Variants in MEGF10 observed in about 807,000 individuals in gnomAD.
MEGF10 encodes multiple epidermal growth factor-like domains protein 10.
In MEGF10, 86 loss-of-function variants were observed where a neutral mutation model predicts 147.5. That is an observed-to-expected ratio of 0.58 (90% CI 0.49 to 0.70). The LOEUF is 0.70. Among genes scored for constraint, MEGF10 ranks in the 30% least tolerant of loss-of-function variants. The pLI is 0.00. For missense variants in MEGF10, 1,329 were observed against 1,487.3 expected (o/e 0.89, Z 1.75); for synonymous variants, 478 against 525.5 (o/e 0.91, Z 1.24).
rs1378703050 is a variant in MEGF10, at chr5:127,433,404, C to G, written c.1735C>G (p.Pro579Ala). The change falls in exon 14 of 25, where the codon CCC (proline) becomes GCC (alanine). Residue 579 changes from proline to alanine, a missense_variant. This residue lies in a region of MEGF10 where 980 missense variants were observed against 1,085.9 expected (regional missense o/e 0.90). Coordinates refer to ENST00000503335, the MANE Select transcript of MEGF10 (RefSeq NM_001256545.2). ...DSVCAEGRWGPNCSLPCYCKN... is the reference protein window; with the variant it reads ...DSVCAEGRWGANCSLPCYCKN... The stretch of plus-strand genomic sequence containing the variant: ...CGTGTGTGCTGAGGGACGCTGGGGC[C>G]CCAACTGCTCCCTGCCCTGCTACTG... The G allele has an allele frequency of 1.2e-6, 2 of 1,614,016 alleles. No individual in the cohort carries two copies. The highest frequency in any genetic ancestry group is 1.7e-6 in the Non-Finnish European group (2 of 1,180,016).
the MEGF10 span, among the ~76,000 whole-genome samples, chr5:127,250,539 A>G: frequency 6.6e-6 from 1 of 152,062 alleles, no homozygotes; most frequent in African/African-American, 2.4e-5. Flanking sequence ...TTAGCATAAA[A>G]CAAGAACAAA....
the MEGF10 span, among the ~76,000 whole-genome samples, chr5:127,277,691 T>A: frequency 6.6e-6 from 1 of 152,134 alleles, no homozygotes; most frequent in Non-Finnish European, 1.5e-5. Flanking sequence ...GACCACTGCA[T>A]TAATTCAGGG....
chr5:127,426,771 C>T (rs1167912370), intron 13 of MEGF10, among the ~76,000 whole-genome samples: 1 of 152,208 alleles, frequency 6.6e-6, no homozygotes, highest in Non-Finnish European at 1.5e-5. Context: ...TTTATGTCTT[C>T]TTTTCTGCTC....
At chr5:127,291,822 G>T (rs1759269274) in intron 1 of MEGF10, among the ~76,000 whole-genome samples, 1 of 152,202 alleles carries the variant, frequency 6.6e-6, no homozygotes, top group Non-Finnish European at 1.5e-5. Context: ...CTGAGCAAAT[G>T]AATGATGGCA....
chr5:127,416,400 A>G (rs1764781542), intron 9 of MEGF10, among the ~76,000 whole-genome samples: 1 of 152,090 alleles, frequency 6.6e-6, no homozygotes, highest in South Asian at 2.1e-4. Flanking sequence ...AGGATAAGAA[A>G]TTGGCCCAAG....
the MEGF10 span, among the ~76,000 whole-genome samples, chr5:127,266,786 C>T: frequency 3.9e-5 from 6 of 152,072 alleles, no homozygotes; most frequent in African/African-American, 2.4e-5. Flanking sequence ...CCTGAGACTT[C>T]GCTGAAGTTG....
At chr5:127,401,108 C>G (rs1246538867) in intron 7 of MEGF10, among the ~76,000 whole-genome samples, 1 of 152,100 alleles carries the variant, frequency 6.6e-6, no homozygotes, top group Non-Finnish European at 1.5e-5. Context: ...GTAGTTAAGT[C>G]AGGCCCTGGG....
At chr5:127,249,383 GAGA>G in the MEGF10 span, among the ~76,000 whole-genome samples, 44 of 150,490 alleles carry the variant, frequency 2.9e-4, no homozygotes, top group African/African-American at 9.9e-4. Flanking sequence ...GGAGGAGGAG[GAGA>G]AGAGAGAAAT....
chr5:127,447,385 G>A (rs1017060531), intron 20 of MEGF10, among the ~76,000 whole-genome samples, 172 bp from the exon 21 acceptor site: 1 of 152,112 alleles, frequency 6.6e-6, no homozygotes, highest in African/African-American at 2.4e-5. Flanking sequence ...TACTGTGTTA[G>A]CCAGGATGGT....
intron 1 of MEGF10, among the ~76,000 whole-genome samples, chr5:127,311,132 A>G (rs1760270678): frequency 6.6e-6 from 1 of 152,210 alleles, no homozygotes; most frequent in South Asian, 2.1e-4. Context: ...AAATGCTTCT[A>G]ATTGAAAATC....
At chr5:127,445,377 GA>G (rs756382483) in intron 19 of MEGF10, 79 bp from the exon 20 acceptor site, 6 of 1,024,728 alleles carry the variant, frequency 5.9e-6, no homozygotes, top group East Asian at 2.4e-5. Context: ...CATTAGCACA[GA>G]AGGAGGTTTT....
At chr5:127,417,445 A>C (rs908199546) in intron 9 of MEGF10, among the ~76,000 whole-genome samples, 193 bp from the exon 10 acceptor site, 5 of 152,250 alleles carry the variant, frequency 3.3e-5, no homozygotes, top group Non-Finnish European at 7.3e-5. Flanking sequence ...TGCTGATTTC[A>C]TACAACATTC....
chr5:127,308,086 A>G (rs1760099045), intron 1 of MEGF10, among the ~76,000 whole-genome samples: 1 of 152,182 alleles, frequency 6.6e-6, no homozygotes, highest in South Asian at 2.1e-4. Context: ...CCCTGTAGGT[A>G]TTATAAATAA....
chr5:127,282,282 G>A, the MEGF10 span, among the ~76,000 whole-genome samples: 1,302 of 152,300 alleles, frequency 8.5e-3, 16 homozygotes, highest in African/African-American at 0.03. Context: ...GAATTCTGAT[G>A]ACTCCTCTTG....
At chr5:127,387,426 C>A (rs1354546274) in intron 5 of MEGF10, among the ~76,000 whole-genome samples, 1 of 152,192 alleles carries the variant, frequency 6.6e-6, no homozygotes, top group African/African-American at 2.4e-5. Context: ...GCTGCTACAT[C>A]TTGAAGCCTG....
the MEGF10 span, among the ~76,000 whole-genome samples, chr5:127,233,912 A>G: frequency 1.1e-4 from 17 of 152,308 alleles, 1 homozygote; most frequent in East Asian, 2.3e-3. Context: ...CCTGGACATT[A>G]CATTAACTTT....
chr5:127,391,102 G>GCGCGCACACA (rs1426600414), intron 5 of MEGF10, among the ~76,000 whole-genome samples: 18 of 53,926 alleles, frequency 3.3e-4, no homozygotes, highest in South Asian at 1.2e-3. Context: ...GCGCGCGCGC[G>GCGCGCACACA]CACACACACA....
chr5:127,417,758 TG>T lies in MEGF10; in HGVS notation c.1255del (p.Ala419GlnfsTer6). On this transcript the variant is annotated frameshift_variant, in exon 10 of 25. Coordinates refer to ENST00000503335, the MANE Select transcript of MEGF10 (RefSeq NM_001256545.2). LOFTEE classifies it high-confidence loss of function. The part of the protein sequence containing the change: ...ACQQICSCQN[G>X]ADCDSVTGKC... ...GCCAGCAGATCTGCAGCTGCCAAAA[TG>T]GGGCAGACTGTGACAGTGTGACTGG... 1.9e-6 allele frequency: 3 copies of T among 1,614,068 alleles called. No homozygotes were observed. Among genetic ancestry groups the T allele is most frequent in the Non-Finnish European group, 1.7e-6 (2 of 1,179,984 alleles).
chr5:127,246,985 A>AATATATATATATATATAT, the MEGF10 span, among the ~76,000 whole-genome samples: 1,114 of 104,058 alleles, frequency 0.011, 31 homozygotes, highest in African/African-American at 0.019. Context: ...GTATAAAAAG[A>AATATATATATATATATAT]ATATATATAT....
Sources: allele counts gnomAD v4.1 joint callset (sites outside exome capture counted in the v4.1 genomes callset), GRCh38; gene constraint gnomAD v4.1.1; regional missense constraint gnomAD v4.1.1; transcripts MANE v1.5; gene names NCBI Gene and HGNC (gene_info 2026-07-23, HGNC 2026-07-21).